The following LRRC74A variants were observed in gnomAD, a reference collection of about 807,000 sequenced individuals.
LRRC74A encodes the protein leucine rich repeat containing 74A, also known as leucine-rich repeat-containing protein 74A.
A neutral mutation model predicts 57.9 loss-of-function variants in LRRC74A; 44 were observed. The observed-to-expected ratio is 0.76, with a 90% CI of 0.60 to 0.98. The LOEUF is 0.98. Ranked by LOEUF, LRRC74A falls within the 50% of genes least tolerant of loss-of-function variation. LRRC74A has a pLI of 0.00. For synonymous variants in LRRC74A, 211 were observed against 219.4 expected, an observed-to-expected ratio of 0.96 and a Z score of 0.34; for missense variants, 572 against 574.0, an observed-to-expected ratio of 1.00 and a Z score of 0.04.
At chr14:76,828,156 C>T in intron 1 of LRRC74A, 135 bp from the exon 2 acceptor site, 2 of 1,179,614 alleles carry the variant, frequency 1.7e-6, no homozygotes, top group Admixed American at 5.6e-5. Context: ...TGGACTTGCC[C>T]TGGCAGGGCT....
intron 11 of LRRC74A, among the ~76,000 whole-genome samples, chr14:76,864,403 G>A (rs1898582090): frequency 1.7e-5 from 1 of 59,308 alleles, no homozygotes; most frequent in Non-Finnish European, 3.6e-5. Flanking sequence ...TTCTGAGAGT[G>A]AGAGGAAGGG....
intron 5 of LRRC74A, among the ~76,000 whole-genome samples, chr14:76,841,521 T>G (rs1896769246): frequency 6.6e-6 from 1 of 152,156 alleles, no homozygotes; most frequent in Non-Finnish European, 1.5e-5. Context: ...CAGGTGAATT[T>G]TAGAATCATT....
intron 1 of LRRC74A, among the ~76,000 whole-genome samples, chr14:76,827,864 C>T (rs1481153982): frequency 1.3e-5 from 2 of 152,154 alleles, no homozygotes; most frequent in African/African-American, 4.8e-5. Context: ...CCTGCCCTGC[C>T]CTGCCCCTTA....
rs867439305 is a variant in LRRC74A at position 76,844,465 on chromosome 14, C to T, written c.587C>T (p.Ala196Val). 6.2e-7 allele frequency: 1 copy of T among 1,612,044 alleles called. No homozygotes were observed. The highest frequency in any genetic ancestry group is 8.5e-7 in the Non-Finnish European group (1 of 1,179,204). Reference protein sequence around the residue: ...KEDSAALLCQALSTNYQIKKL... With the variant: ...KEDSAALLCQVLSTNYQIKKL... ...GACTCCGCAGCACTGCTCTGCCAAG[C>T]CCTGTCGGTAAGAGGCAGGGAGTGC... The change falls in exon 6 of 14, where the codon GCC (alanine) becomes GTC (valine). Residue 196 changes from alanine (A) to valine (V), a missense_variant. Physicochemically the swap from Ala to Val is moderately conservative, Grantham distance 64. Transcript: ENST00000689127.
intron 11 of LRRC74A, among the ~76,000 whole-genome samples, chr14:76,864,734 A>G (rs763244295): frequency 2.0e-4 from 30 of 152,146 alleles, no homozygotes; most frequent in Non-Finnish European, 3.8e-4. Flanking sequence ...CATGCCTGTA[A>G]TCCCAGCTAC....
intron 13 of LRRC74A, among the ~76,000 whole-genome samples, chr14:76,867,767 C>T (rs1053141666): frequency 6.6e-5 from 10 of 152,092 alleles, no homozygotes; most frequent in Admixed American, 2.0e-4. Context: ...TGAGAGGAGC[C>T]GTAGGGGTGT....
chr14:76,832,404 C>T (rs892065170), intron 3 of LRRC74A, among the ~76,000 whole-genome samples: 1 of 152,200 alleles, frequency 6.6e-6, no homozygotes, highest in African/African-American at 2.4e-5. Flanking sequence ...ACCTCCTGAG[C>T]TTAAGTGATC....
intron 11 of LRRC74A, 142 bp from the exon 12 acceptor site, chr14:76,865,826 A>G (rs779687161): frequency 2.3e-5 from 15 of 640,418 alleles, no homozygotes; most frequent in Non-Finnish European, 3.8e-5. Context: ...CGGGAGACGC[A>G]GGCTCCTCAC....
chr14:76,856,504 C>CTGGATGGA (rs35536797), intron 9 of LRRC74A, among the ~76,000 whole-genome samples: 277 of 145,670 alleles, frequency 1.9e-3, no homozygotes, highest in East Asian at 2.9e-3. Context: ...TTAATATGTG[C>CTGGATGGA]TGGATGGATG....
At chr14:76,840,846 G>T (rs1896718579) in intron 5 of LRRC74A, among the ~76,000 whole-genome samples, 1 of 152,020 alleles carries the variant, frequency 6.6e-6, no homozygotes, top group African/African-American at 2.4e-5. Context: ...GCCTCCCAAA[G>T]TGCTGGGATT....
chr14:76,857,502 C>G, intron 10 of LRRC74A, 27 bp downstream of exon 10: 1 of 1,486,596 alleles, frequency 6.7e-7, no homozygotes, highest in Non-Finnish European at 9.2e-7. Context: ...TAGTTGCTTG[C>G]GTCTGGGCAC....
At chr14:76,848,891 G>C (rs867345355) in intron 7 of LRRC74A, among the ~76,000 whole-genome samples, 2 of 152,284 alleles carry the variant, frequency 1.3e-5, no homozygotes, top group Middle Eastern at 6.8e-3. Context: ...GGAAAGGGTG[G>C]GTGCGGGTGC....
chr14:76,834,176 G>A (rs1358492800), intron 3 of LRRC74A, among the ~76,000 whole-genome samples: 1 of 152,204 alleles, frequency 6.6e-6, no homozygotes, highest in Non-Finnish European at 1.5e-5. Flanking sequence ...ATGTGAGATT[G>A]CACTGTTTTC....
chr14:76,857,552 A>T, intron 10 of LRRC74A, 77 bp downstream of exon 10: 3 of 1,027,492 alleles, frequency 2.9e-6, no homozygotes, highest in Non-Finnish European at 4.4e-6. Context: ...TGTGTTGGCC[A>T]GAGCCAACAG....
intron 10 of LRRC74A, among the ~76,000 whole-genome samples, chr14:76,859,662 C>CTT (rs1025552496): frequency 0.029 from 2,306 of 80,644 alleles, 27 homozygotes; most frequent in African/African-American, 0.039. Context: ...CTGAATTAGC[C>CTT]TTTTTTTTTT....
chr14:76,865,615 T>A (rs1438665631), intron 11 of LRRC74A, among the ~76,000 whole-genome samples: 1 of 152,222 alleles, frequency 6.6e-6, no homozygotes, highest in Non-Finnish European at 1.5e-5. Context: ...TAGATAATGA[T>A]CACTGTCCCA....
At chr14:76,863,536 C>T (rs952245973) in intron 11 of LRRC74A, among the ~76,000 whole-genome samples, 6 of 152,180 alleles carry the variant, frequency 3.9e-5, no homozygotes, top group Non-Finnish European at 8.8e-5. Context: ...CTGGGGAAAC[C>T]CTTCTTGGAT....
chr14:76,828,207 G>C, intron 1 of LRRC74A, 84 bp from the exon 2 acceptor site: 1 of 1,505,820 alleles, frequency 6.6e-7, no homozygotes, highest in Non-Finnish European at 8.9e-7. Context: ...AGGGAGCAGA[G>C]ATGGAGGGGC....
intron 13 of LRRC74A, 74 bp from the exon 14 acceptor site, chr14:76,870,051 T>C: frequency 6.6e-7 from 1 of 1,519,972 alleles, no homozygotes; most frequent in Non-Finnish European, 9.0e-7. Context: ...GATTTAAGCC[T>C]GTCTTAACAT....
Sources: allele counts gnomAD v4.1 joint callset (sites outside exome capture counted in the v4.1 genomes callset), GRCh38; gene constraint gnomAD v4.1.1; transcripts MANE v1.5; gene names NCBI Gene and HGNC (gene_info 2026-07-23, HGNC 2026-07-21).